Variants in CLDN16 observed in about 807,000 individuals in gnomAD.
The protein encoded by CLDN16 is claudin-16.
A neutral mutation model predicts 24.6 loss-of-function variants in CLDN16; 13 were observed. The observed-to-expected ratio is 0.53, with a 90% CI of 0.34 to 0.84. The LOEUF is 0.84. CLDN16 is among the 40% of genes least tolerant of loss of function. The pLI is 0.01. For missense variants in CLDN16, 298 were observed against 292.7 expected (o/e 1.02, Z -0.13); for synonymous variants, 116 against 106.7 (o/e 1.09, Z -0.54).
chr3:190,294,210 G>A, the CLDN16 span, among the ~76,000 whole-genome samples: 1 of 152,100 alleles, frequency 6.6e-6, no homozygotes, highest in Admixed American at 6.5e-5. Flanking sequence ...TCTCAACCAT[G>A]TCTCATAATG....
At chr3:190,332,420 G>A (rs1266017872) in intron 1 of CLDN16, among the ~76,000 whole-genome samples, 6 of 152,158 alleles carry the variant, frequency 3.9e-5, no homozygotes, top group Non-Finnish European at 8.8e-5. Context: ...ACTCATGATT[G>A]AGTAAAGAGA....
At chr3:190,297,615 CTATAA>C in the CLDN16 span, among the ~76,000 whole-genome samples, 7 of 127,652 alleles carry the variant, frequency 5.5e-5, no homozygotes, top group Admixed American at 2.5e-4. Context: ...TCTATAATAT[CTATAA>C]TATAATATAT....
chr3:190,335,130 G>A (rs1717271695), intron 1 of CLDN16, among the ~76,000 whole-genome samples: 1 of 149,704 alleles, frequency 6.7e-6, no homozygotes, highest in South Asian at 2.1e-4. Flanking sequence ...TGCAACCTAT[G>A]GCTCCCAGGT....
intron 1 of CLDN16, among the ~76,000 whole-genome samples, chr3:190,331,587 T>C (rs964785237): frequency 1.3e-5 from 2 of 152,206 alleles, no homozygotes; most frequent in Admixed American, 1.3e-4. Flanking sequence ...AATGCAGATA[T>C]AGAGCATTCT....
At chr3:190,309,625 T>A in the CLDN16 span, among the ~76,000 whole-genome samples, 2 of 152,222 alleles carry the variant, frequency 1.3e-5, no homozygotes, top group African/African-American at 4.8e-5. Context: ...TTAAGAAAGA[T>A]GACCTTTGTA....
At chr3:190,379,986 TATC>T (rs1718326170) in intron 3 of CLDN16, among the ~76,000 whole-genome samples, 2 of 151,802 alleles carry the variant, frequency 1.3e-5, no homozygotes, top group South Asian at 2.1e-4. Flanking sequence ...TCTATCTATC[TATC>T]TATCTATCTA....
intron 1 of CLDN16, among the ~76,000 whole-genome samples, chr3:190,337,534 T>C (rs990608049): frequency 1.3e-5 from 2 of 152,200 alleles, no homozygotes; most frequent in African/African-American, 4.8e-5. Flanking sequence ...GAATGCGTTC[T>C]CCTCTCACCA....
At chr3:190,387,734 A>G (rs1718540355), upstream of CLDN16, 8 of 279,264 alleles carry the variant, frequency 2.9e-5, no homozygotes, top group South Asian at 3.2e-4. Flanking sequence ...GGGCTGTTCT[A>G]CGCAACACTT....
chr3:190,299,314 G>T, the CLDN16 span, among the ~76,000 whole-genome samples: 5 of 151,722 alleles, frequency 3.3e-5, no homozygotes, highest in Non-Finnish European at 5.9e-5. Context: ...TGATCTATTG[G>T]TTTTTAAAAG....
At chr3:190,345,436 C>A (rs1717530957) in intron 1 of CLDN16, among the ~76,000 whole-genome samples, 1 of 152,122 alleles carries the variant, frequency 6.6e-6, no homozygotes, top group Non-Finnish European at 1.5e-5. Context: ...TTTGAATCAC[C>A]CTATTTGGCA....
chr3:190,322,409 T>G (rs1440938886), upstream of CLDN16: 4 of 604,836 alleles, frequency 6.6e-6, no homozygotes, highest in Non-Finnish European at 1.2e-5. Flanking sequence ...GTCTGGATAC[T>G]AGAAGCTGCG....
Position 190,404,798 on chromosome 3 carries a change from C to G in CLDN16, c.254C>G (p.Ala85Gly), listed in dbSNP as rs1386707552. 9 of 1,614,114 alleles carry G rather than the reference C, an allele frequency of 5.6e-6. No individual in the cohort carries two copies. The highest frequency in any genetic ancestry group is 7.6e-6 in the Non-Finnish European group (9 of 1,180,006). The change falls in exon 3 of 5, where the codon GCA becomes GGA. Residue 85 changes from alanine to glycine, a missense_variant. Transcript: ENST00000264734. ...LVVTRALMIT[A>G]DILAGFGFLT... is the part of the protein sequence containing the mutation. ...GTAACTCGAGCGTTGATGATTACTGCAGATATTCTAGCTGGGTTTGGATTT... is the reference window on the plus strand; with the variant it reads ...GTAACTCGAGCGTTGATGATTACTGGAGATATTCTAGCTGGGTTTGGATTT...
chr3:190,325,440 A>T (rs151330329), intron 1 of CLDN16, among the ~76,000 whole-genome samples: 2 of 152,272 alleles, frequency 1.3e-5, no homozygotes, highest in African/African-American at 4.8e-5. Flanking sequence ...GTTGCAGCCC[A>T]CTGAGGTTTT....
At chr3:190,300,469 A>C in the CLDN16 span, among the ~76,000 whole-genome samples, 2 of 152,198 alleles carry the variant, frequency 1.3e-5, no homozygotes, top group Admixed American at 6.5e-5. Flanking sequence ...TGTTAACTAT[A>C]GCCCGTAGGC....
intron 2 of CLDN16, among the ~76,000 whole-genome samples, chr3:190,373,120 T>A (rs972570186): frequency 6.6e-6 from 1 of 151,972 alleles, no homozygotes; most frequent in South Asian, 2.1e-4. Flanking sequence ...GGAAATCCAA[T>A]TTAGTATAAG....
intron 1 of CLDN16, among the ~76,000 whole-genome samples, chr3:190,358,889 T>G (rs1577408538): frequency 6.6e-6 from 1 of 152,024 alleles, no homozygotes; most frequent in East Asian, 1.9e-4. Context: ...AATGGGTAAA[T>G]TTTCCTAAAT....
chr3:190,379,174 T>C (rs908801072), intron 3 of CLDN16, among the ~76,000 whole-genome samples: 2 of 152,078 alleles, frequency 1.3e-5, no homozygotes, highest in African/African-American at 4.8e-5. Context: ...TTCATTTCAA[T>C]ACAATATAAG....
chr3:190,400,518 A>T (rs1718936600), intron 1 of CLDN16, among the ~76,000 whole-genome samples: 1 of 152,200 alleles, frequency 6.6e-6, no homozygotes. Flanking sequence ...GGCGTGAGCC[A>T]CCGTGCCCGA....
upstream of CLDN16, among the ~76,000 whole-genome samples, chr3:190,318,746 G>A (rs1331447951): frequency 6.6e-6 from 1 of 152,136 alleles, no homozygotes; most frequent in Admixed American, 6.6e-5. Context: ...GGTTCAGCAG[G>A]CACAACGCAT....
Sources: allele counts gnomAD v4.1 joint callset (sites outside exome capture counted in the v4.1 genomes callset), GRCh38; gene constraint gnomAD v4.1.1; transcripts MANE v1.5; gene names NCBI Gene and HGNC (gene_info 2026-07-23, HGNC 2026-07-21).